Variants in ZNF362 observed in about 807,000 individuals in gnomAD.
ZNF362 encodes the protein zinc finger protein 362.
In ZNF362, 11 loss-of-function variants were observed where a neutral mutation model predicts 42.9. The ratio of observed to expected loss-of-function variants is 0.26; its 90% CI spans 0.16 to 0.42. ZNF362 has a LOEUF of 0.42. Ranked by LOEUF, ZNF362 falls within the 20% of genes least tolerant of loss-of-function variation. The pLI, the probability that ZNF362 is intolerant of heterozygous loss-of-function variation, is 1.00. For missense variants in ZNF362, 362 were observed against 576.2 expected (o/e 0.63, Z 3.81); for synonymous variants, 255 against 257.3 (o/e 0.99, Z 0.09).
At chr1:33,245,043 A>G in the ZNF362 span, among the ~76,000 whole-genome samples, 1 of 152,178 alleles carries the variant, frequency 6.6e-6, no homozygotes, top group Non-Finnish European at 1.5e-5. Flanking sequence ...TCAGGCTGCC[A>G]GGACTCCTGG....
intron 6 of ZNF362, among the ~76,000 whole-genome samples, chr1:33,285,545 T>C (rs1646026264): frequency 6.6e-6 from 1 of 152,222 alleles, no homozygotes. Flanking sequence ...TAAAGAAATG[T>C]CTTTGTTGAT....
rs573815782 is a variant in ZNF362, at chr1:33,299,265, C to T, written c.*219C>T. On this transcript the variant is annotated 3_prime_UTR_variant, in exon 9 of 9. Coordinates refer to ENST00000539719, the MANE Select transcript of ZNF362 (RefSeq NM_152493.3). ...GGACTGTTTTGGTGGCATCCAAAGA[C>T]GATCTCAGAGCACTTTGAACCTCTC... 4.1e-5 allele frequency: 20 copies of T among 490,934 alleles called. No homozygotes were observed. Among genetic ancestry groups the T allele is most frequent in the South Asian group, 4.1e-4 (13 of 31,996 alleles). 30.4% of individuals were successfully genotyped at this position (490,934 alleles called of 1,614,324 possible).
the ZNF362 span, among the ~76,000 whole-genome samples, chr1:33,182,920 T>C: frequency 2.0e-5 from 3 of 152,080 alleles, no homozygotes; most frequent in African/African-American, 7.2e-5. Context: ...CCTGGTCCGA[T>C]TGGGTTTCAG....
the ZNF362 span, among the ~76,000 whole-genome samples, chr1:33,248,466 C>T: frequency 1.5e-4 from 23 of 152,234 alleles, no homozygotes; most frequent in Admixed American, 1.5e-3. Context: ...CTGCCTATAA[C>T]AGACATTGCT....
chr1:33,272,684 C>T (rs1296357276), intron 2 of ZNF362, among the ~76,000 whole-genome samples: 1 of 152,028 alleles, frequency 6.6e-6, no homozygotes, highest in African/African-American at 2.4e-5. Flanking sequence ...CCCCTGCCCT[C>T]ACCAGGTCCT....
chr1:33,289,358 G>A (rs551967899), intron 6 of ZNF362, among the ~76,000 whole-genome samples: 1 of 152,244 alleles, frequency 6.6e-6, no homozygotes, highest in Admixed American at 6.5e-5. Flanking sequence ...CTCTGTCCTG[G>A]AAAAAGAGGG....
chr1:33,160,320 G>A, the ZNF362 span, among the ~76,000 whole-genome samples: 1 of 152,134 alleles, frequency 6.6e-6, no homozygotes, highest in Admixed American at 6.5e-5. Context: ...GGGTAGGAGG[G>A]ATGAGGGAGC....
In ZNF362 at chr1:33,295,249, G is replaced by A. The variant is rs747434137; in HGVS notation, c.1090G>A (p.Ala364Thr). The change falls in exon 8 of 9, where the codon GCC becomes ACC. Residue 364 changes from alanine (A) to threonine (T), a missense_variant. Transcript: ENST00000539719. ...ASLQIHLSAH[A>T]IKHAKAYCCS... is the part of the protein sequence containing the mutation. ...TTTGCAGATCCACCTCTCGGCCCAC[G>A]CCATCAAGCACGCCAAGGCCTACTG... The A allele has an allele frequency of 6.2e-6, 10 of 1,614,102 alleles. No individual in the cohort carries two copies. The highest frequency in any genetic ancestry group is 2.2e-5 in the East Asian group (1 of 44,894).
At chr1:33,298,893 G>T in intron 8 of ZNF362, 37 bp from the exon 9 acceptor site, 4 of 1,572,892 alleles carry the variant, frequency 2.5e-6, no homozygotes, top group Non-Finnish European at 3.5e-6. Context: ...CTCCCTTGCT[G>T]GTGGTTCCCT....
chr1:33,295,724 G>A lies in ZNF362; in HGVS notation c.1146+419G>A, dbSNP rs79293880. Among the ~76,000 whole-genome samples the A allele has an allele frequency of 1.8e-4, 28 of 152,322 alleles. 1 individual carries two copies. The East Asian group carries it at 4.3e-3, about 23-fold the overall frequency. On this transcript the variant is annotated intron_variant, in intron 8 of 8. Coordinates refer to ENST00000539719, the MANE Select transcript of ZNF362 (RefSeq NM_152493.3). ...ATCTCAGGAAAGGCCTGAGCAGCCC[G>A]GAAAGCTCAGAGCATTCAGCTCCCG...
intron 3 of ZNF362, 86 bp downstream of exon 3, chr1:33,276,249 G>T (rs1300681043): frequency 6.3e-7 from 1 of 1,589,758 alleles, no homozygotes; most frequent in Admixed American, 1.7e-5. Context: ...CCTGCGGGGA[G>T]CGGGGTGAGG....
chr1:33,252,872 T>C (rs1645768743), upstream of ZNF362, among the ~76,000 whole-genome samples: 1 of 152,148 alleles, frequency 6.6e-6, no homozygotes. Context: ...GGAGCTGCCA[T>C]GGAGGGCCTC....
chr1:33,252,142 C>G (rs6681653), upstream of ZNF362, among the ~76,000 whole-genome samples: 3 of 152,132 alleles, frequency 2.0e-5, no homozygotes, highest in Non-Finnish European at 4.4e-5. Flanking sequence ...CACCTGAGGT[C>G]GGGAGTTTGA....
chr1:33,228,965 C>G, the ZNF362 span, among the ~76,000 whole-genome samples: 15 of 152,312 alleles, frequency 9.8e-5, no homozygotes, highest in Admixed American at 9.8e-4. Context: ...GCCTTCCTTG[C>G]TCTTCCCTGA....
chr1:33,232,881 G>A, the ZNF362 span, among the ~76,000 whole-genome samples: 2 of 152,136 alleles, frequency 1.3e-5, no homozygotes, highest in Non-Finnish European at 2.9e-5. Context: ...TCATTTCAGT[G>A]GTGCAGAGGT....
rs752007262 is a variant in ZNF362, at chr1:33,281,676, C to G, written c.773C>G (p.Pro258Arg). 11 of 1,614,222 alleles carry G rather than the reference C, an allele frequency of 6.8e-6. No individual in the cohort carries two copies. The highest frequency in any genetic ancestry group is 9.3e-6 in the Non-Finnish European group (11 of 1,180,042). Residue 258 changes from proline (P) to arginine (R), a missense_variant, in exon 6 of 9, where the codon CCG (proline) becomes CGG (arginine). Pro to Arg is a moderately radical substitution (Grantham distance 103). Transcript: ENST00000539719. The surrounding 1 kb of genome is among the most constrained non-coding windows in gnomAD (Gnocchi z 4.8). ...SHTEAKPHKC[P>R]HCSKSFANAS... ...ACAGAGGCCAAGCCCCACAAGTGCC[C>G]GCACTGCTCCAAGTCCTTTGCCAAC...
chr1:33,218,932 T>TACACACACACACAC, the ZNF362 span, among the ~76,000 whole-genome samples: 74 of 121,076 alleles, frequency 6.1e-4, no homozygotes, highest in Non-Finnish European at 3.0e-4. Context: ...GAGCTGGACA[T>TACACACACACACAC]ACACACACAC....
At chr1:33,145,287 A>G in the ZNF362 span, 43 of 152,574 alleles carry the variant, frequency 2.8e-4, no homozygotes, top group Non-Finnish European at 5.4e-4. Flanking sequence ...AAATGAGCAT[A>G]ATACCATTTA....
the ZNF362 span, among the ~76,000 whole-genome samples, chr1:33,236,458 G>A: frequency 6.9e-6 from 1 of 144,652 alleles, no homozygotes; most frequent in African/African-American, 2.6e-5. Context: ...GCTGAGGCAG[G>A]AGACTTGCTT....
Sources: gnomAD v4.1 joint callset for allele counts (sites outside exome capture counted in the v4.1 genomes callset) on GRCh38, gnomAD v4.1.1 for gene constraint, Gnocchi (gnomAD v3.1) non-coding constraint, MANE v1.5 for transcripts, NCBI Gene and HGNC (gene_info 2026-07-23, HGNC 2026-07-21) for gene names.